Variants in WDR7 observed in about 807,000 individuals in gnomAD.
The protein encoded by WDR7 is WD repeat-containing protein 7.
In WDR7, 46 loss-of-function variants were observed where a neutral mutation model predicts 169.4. The ratio of observed to expected loss-of-function variants is 0.27; its 90% CI spans 0.21 to 0.35. WDR7 has a LOEUF of 0.35. WDR7 is among the 10% of genes least tolerant of loss of function. The pLI is 1.00. For missense variants in WDR7, 1,534 were observed against 1,859.3 expected (o/e 0.83, Z 3.22); for synonymous variants, 612 against 666.8 (o/e 0.92, Z 1.27).
intron 19 of WDR7, among the ~76,000 whole-genome samples, chr18:56,812,842 C>A (rs2044895397): frequency 6.6e-6 from 1 of 152,070 alleles, no homozygotes. Flanking sequence ...CGATTTTTCC[C>A]ACTCAGTACA....
chr18:56,862,170 G>A (rs964883289), intron 20 of WDR7, among the ~76,000 whole-genome samples: 12 of 151,726 alleles, frequency 7.9e-5, no homozygotes, highest in Non-Finnish European at 1.3e-4. Flanking sequence ...CTTTACTATC[G>A]TCCACTATTA....
chr18:56,967,755 C>T (rs2047430973), intron 26 of WDR7, among the ~76,000 whole-genome samples: 1 of 152,090 alleles, frequency 6.6e-6, no homozygotes. Flanking sequence ...CCTGGGATAC[C>T]AAAATCCATA....
chr18:57,022,162 A>G (rs1160626157), intron 27 of WDR7, among the ~76,000 whole-genome samples: 28 of 152,188 alleles, frequency 1.8e-4, no homozygotes, highest in Admixed American at 1.8e-3. Context: ...CAGTGATTCC[A>G]TTAGGTGTCC....
chr18:56,935,829 C>T lies in WDR7; in HGVS notation c.3755C>T (p.Ala1252Val). ...CCTCTGAGCCCAGCAGCTGACTCGG[C>T]CCGCTCTGCGAGGCATGCCCTCTCG... is the stretch of plus-strand genomic sequence containing the variant. ...GLPLSPAADS[A>V]RSARHALSLI... Residue 1252 changes from alanine (A) to valine (V), a missense_variant, in exon 23 of 28, where the codon GCC becomes GTC. Ala to Val is a moderately conservative substitution (Grantham distance 64, BLOSUM62 0). Transcript: ENST00000254442. The T allele has an allele frequency of 4.3e-6, 7 of 1,614,176 alleles. No individual in the cohort carries two copies. Among genetic ancestry groups the T allele is most frequent in the Non-Finnish European group, 5.9e-6 (7 of 1,180,044 alleles).
At chr18:56,917,653 G>A (rs562976157) in intron 21 of WDR7, among the ~76,000 whole-genome samples, 9 of 152,150 alleles carry the variant, frequency 5.9e-5, no homozygotes, top group Admixed American at 3.9e-4. Context: ...TTCACTGGTC[G>A]GTTCATGATT....
At chr18:56,897,511 G>A (rs952194950) in intron 21 of WDR7, among the ~76,000 whole-genome samples, 1 of 47,464 alleles carries the variant, frequency 2.1e-5, no homozygotes, top group Non-Finnish European at 5.6e-5. Flanking sequence ...GAAAGCTAGG[G>A]AATGAAACCA....
chr18:56,963,448 T>A (rs1336798122), intron 26 of WDR7, among the ~76,000 whole-genome samples: 2 of 152,186 alleles, frequency 1.3e-5, no homozygotes, highest in African/African-American at 4.8e-5. Context: ...TAATTAATTA[T>A]CTAAAAGTCT....
intron 20 of WDR7, among the ~76,000 whole-genome samples, chr18:56,836,887 TATTA>T (rs1399475921): frequency 5.3e-5 from 8 of 152,250 alleles, no homozygotes; most frequent in African/African-American, 1.7e-4. Flanking sequence ...ATTATTAGTG[TATTA>T]ATTCTTCTGC....
chr18:56,991,864 A>G (rs1599226603), intron 26 of WDR7, among the ~76,000 whole-genome samples: 1 of 152,366 alleles, frequency 6.6e-6, no homozygotes, highest in Non-Finnish European at 1.5e-5. Context: ...TCAGTTTCCC[A>G]TTATGAGTTC....
At chr18:56,714,444 C>CTTT (rs1192341254) in intron 12 of WDR7, among the ~76,000 whole-genome samples, 11 of 130,270 alleles carry the variant, frequency 8.4e-5, no homozygotes, top group Admixed American at 2.3e-4. Flanking sequence ...TTGGACGAAA[C>CTTT]TTTTTTTTTT....
At chr18:57,032,844 T>TATATATATATATACAC (rs1464286392), downstream of WDR7, 1 of 123,748 alleles carries the variant, frequency 8.1e-6, no homozygotes, top group African/African-American at 2.9e-5. Context: ...TATATATATA[T>TATATATATATATACAC]ACAGTGTAAT....
At position 56,695,328 on chromosome 18, in the gene WDR7, T is replaced by C. The variant is rs987086473; in HGVS notation, c.1357+130T>C. On this transcript the variant is annotated intron_variant, in intron 11 of 27. Coordinates refer to ENST00000254442, the MANE Select transcript of WDR7 (RefSeq NM_015285.3). Reference sequence around the variant, plus strand: ...AGTTAGTTGTTGGGGTGCTATGTAGTTGGTAGAGTTTAATGCACAGATAAA... The same window carrying C: ...AGTTAGTTGTTGGGGTGCTATGTAGCTGGTAGAGTTTAATGCACAGATAAA... 7.8e-6 allele frequency: 9 copies of C among 1,148,708 alleles called. No individual in the cohort carries two copies. In the East Asian group the frequency reaches 2.2e-4, roughly 29 times the overall value. The allele number at this position is 1,148,708 out of a possible 1,614,324, so 71.2% of individuals were successfully genotyped here.
intron 2 of WDR7, among the ~76,000 whole-genome samples, chr18:56,673,137 G>C (rs973139246): frequency 6.8e-6 from 1 of 147,024 alleles, no homozygotes; most frequent in Non-Finnish European, 1.5e-5. Flanking sequence ...TCAGTGGACA[G>C]AGCTAGGGAA....
At position 56,951,808 on chromosome 18, in the gene WDR7, C is replaced by A. The variant is rs546599188; in HGVS notation, c.4065-10622C>A. On this transcript the variant is annotated intron_variant, in intron 25 of 27. Transcript: ENST00000254442. ...AAGACTCTAAGTGAATAATTTTCAA[C>A]CTCTTTAATCTTAGGACCCCTTTAA... Among the ~76,000 whole-genome samples the A allele has an allele frequency of 1.2e-4, 18 of 152,094 alleles. No homozygotes were observed. In the South Asian group the frequency reaches 3.7e-3, roughly 32 times the overall value.
intron 19 of WDR7, among the ~76,000 whole-genome samples, chr18:56,788,880 T>C (rs912907974): frequency 6.6e-6 from 1 of 152,222 alleles, no homozygotes; most frequent in Non-Finnish European, 1.5e-5. Context: ...GAGTGATATA[T>C]ATGAAAACTA....
chr18:56,775,683 G>C (rs569651694), intron 16 of WDR7, among the ~76,000 whole-genome samples: 3 of 151,908 alleles, frequency 2.0e-5, no homozygotes, highest in Non-Finnish European at 4.4e-5. Flanking sequence ...GTTGCTTTTT[G>C]TGTTATTTTT....
chr18:56,704,466 G>A (rs2025904547), intron 12 of WDR7, among the ~76,000 whole-genome samples: 1 of 152,122 alleles, frequency 6.6e-6, no homozygotes. Flanking sequence ...TTGAGCCCTG[G>A]AGTTCAAGGC....
At chr18:56,671,291 G>GTT (rs57573854) in intron 1 of WDR7, among the ~76,000 whole-genome samples, 11 of 118,920 alleles carry the variant, frequency 9.2e-5, no homozygotes, top group African/African-American at 2.9e-4. Flanking sequence ...TGAGCAAAGT[G>GTT]TTTTTTTTTT....
chr18:56,711,282 A>C (rs17090329), intron 12 of WDR7, among the ~76,000 whole-genome samples: 1,846 of 152,224 alleles, frequency 0.012, 39 homozygotes, highest in African/African-American at 0.042. Flanking sequence ...AAATGTGATA[A>C]GACTTGATAA....
Sources: gnomAD v4.1 joint callset for allele counts (sites outside exome capture counted in the v4.1 genomes callset) on GRCh38, gnomAD v4.1.1 for gene constraint, MANE v1.5 for transcripts, NCBI Gene and HGNC (gene_info 2026-07-23, HGNC 2026-07-21) for gene names.